QSOX2: variants seen among roughly 807,000 people sequenced by gnomAD.
QSOX2 encodes the protein quiescin sulfhydryl oxidase 2.
A neutral mutation model predicts 61.7 loss-of-function variants in QSOX2; 46 were observed. The ratio of observed to expected loss-of-function variants is 0.75; its 90% confidence interval spans 0.59 to 0.95. QSOX2 has a LOEUF of 0.95. Ranked by LOEUF, QSOX2 falls within the 40% of genes least tolerant of loss-of-function variation. QSOX2 has a pLI of 0.00. For synonymous variants in QSOX2, 383 were observed against 388.4 expected, an observed-to-expected ratio of 0.99 and a Z score of 0.16; for missense variants, 879 against 918.9, an observed-to-expected ratio of 0.96 and a Z score of 0.56.
At chr9:136,232,780 T>A (rs1234256616) in intron 1 of QSOX2, among the ~76,000 whole-genome samples, 1 of 151,512 alleles carries the variant, frequency 6.6e-6, no homozygotes, top group East Asian at 1.9e-4. Context: ...CAAAAAATTT[T>A]AAAATTAGCC....
chr9:136,208,424 A>C lies in QSOX2; in HGVS notation c.*304T>G, dbSNP rs1448341765. ...GAAGACTATCTGGCCTGGACTCTGC[A>C]CCCTCTTTTCACATCTAGAAGAGTA... On this transcript the variant is annotated 3_prime_UTR_variant, in exon 12 of 12. Coordinates refer to ENST00000358701, the MANE Select transcript of QSOX2 (RefSeq NM_181701.4). 6 of 285,266 alleles carry C rather than the reference A, an allele frequency of 2.1e-5. No homozygotes were observed. Among genetic ancestry groups the C allele is most frequent in the Non-Finnish European group, 3.9e-5 (6 of 152,884 alleles). 17.7% of individuals were successfully genotyped at this position (285,266 alleles called of 1,614,324 possible).
rs777648487 is a variant in QSOX2 at position 136,208,904 on chromosome 9, C to T, written c.1921G>A (p.Ala641Thr). 1.9e-6 allele frequency: 3 copies of T among 1,613,812 alleles called. No homozygotes were observed. The highest frequency in any genetic ancestry group is 1.1e-5 in the South Asian group (1 of 91,078). Residue 641 changes from alanine (A) to threonine (T), a missense_variant, in exon 12 of 12, where the codon GCC (alanine) becomes ACC (threonine). Coordinates refer to ENST00000358701, the MANE Select transcript of QSOX2 (RefSeq NM_181701.4). ...GKLQSLDGPGAHKEVGGAAPF... is the reference protein window; with the variant it reads ...GKLQSLDGPGTHKEVGGAAPF... The stretch of plus-strand genomic sequence containing the variant: ...GCGGCCCCGCCCACCTCCTTGTGGG[C>T]CCCGGGCCCATCCAGACTCTGGAGT...
Position 136,208,859 on chromosome 9 carries a change from AGTC to A in QSOX2, c.1963_1965del (p.Asp655del). ...CAGAGACTCATGTCCAGGCTGGAGA[AGTC>A]AACCCCGAGGAAGGGTGCGGCCCCG... is the stretch of plus-strand genomic sequence containing the variant. On this transcript the variant is annotated inframe_deletion, in exon 12 of 12. Coordinates refer to ENST00000358701, the MANE Select transcript of QSOX2 (RefSeq NM_181701.4). 6.2e-7 allele frequency: 1 copy of A among 1,614,040 alleles called. No individual in the cohort carries two copies. Among genetic ancestry groups the A allele is most frequent in the South Asian group, 1.1e-5 (1 of 91,082 alleles).
At chr9:136,228,282 G>A (rs1412605639) in intron 1 of QSOX2, among the ~76,000 whole-genome samples, 1 of 152,176 alleles carries the variant, frequency 6.6e-6, no homozygotes, top group African/African-American at 2.4e-5. Flanking sequence ...TGCTCATGAT[G>A]AGCTGGGACA....
Position 136,223,639 on chromosome 9 carries a change from C to T in QSOX2, c.675+124G>A. On this transcript the variant is annotated intron_variant, in intron 5 of 11. Coordinates refer to ENST00000358701, the MANE Select transcript of QSOX2 (RefSeq NM_181701.4). This position sits in a 1 kb window ranked among gnomAD's most constrained non-coding sequence, Gnocchi z 4.4. ...CTAAGCTTCTGATAATGAACAAGAC[C>T]TAAAGCCACAGACAGGACACGAGAT... 2.9e-6 allele frequency: 2 copies of T among 692,342 alleles called. No individual in the cohort carries two copies. Among genetic ancestry groups the T allele is most frequent in the South Asian group, 1.9e-5 (1 of 53,806 alleles). The allele number at this position is 692,342 out of a possible 1,614,324, so 42.9% of individuals were successfully genotyped here. A position where few individuals can be genotyped will look rare whatever the true frequency, so the allele number is the denominator to read the frequency against.
chr9:136,215,028 T>C (rs1052260300), intron 10 of QSOX2, 126 bp downstream of exon 10: 2 of 1,161,318 alleles, frequency 1.7e-6, no homozygotes, highest in Non-Finnish European at 2.3e-6. Flanking sequence ...GAAGTGCCAT[T>C]CCCCTGCCTC....
chr9:136,234,107 G>A (rs1033093136), intron 1 of QSOX2, among the ~76,000 whole-genome samples: 1 of 151,222 alleles, frequency 6.6e-6, no homozygotes, highest in African/African-American at 2.4e-5. Context: ...GCTCCACCTG[G>A]GGCAGCCTGG....
At chr9:136,217,047 G>A (rs1314551828) in intron 8 of QSOX2, among the ~76,000 whole-genome samples, 3 of 152,228 alleles carry the variant, frequency 2.0e-5, no homozygotes, top group Non-Finnish European at 4.4e-5. Flanking sequence ...GACTCATCAT[G>A]GAGCTGGCGG....
At chr9:136,227,795 T>C (rs903996603) in intron 1 of QSOX2, among the ~76,000 whole-genome samples, 2 of 151,834 alleles carry the variant, frequency 1.3e-5, no homozygotes, top group African/African-American at 4.8e-5. Flanking sequence ...GGCAACATGG[T>C]AAAACCCTGT....
In QSOX2 at chr9:136,245,490, G is replaced by T. The variant is rs782394109; in HGVS notation, c.314C>A (p.Ala105Asp). The change falls in exon 1 of 12, where the codon GCT (alanine) becomes GAT (aspartate). Residue 105 changes from alanine (A) to aspartate (D), a missense_variant. Physicochemically the swap from Ala to Asp is moderately radical, Grantham distance 126. Coordinates refer to ENST00000358701, the MANE Select transcript of QSOX2 (RefSeq NM_181701.4). Reference protein sequence around the residue: ...IGYAPTWRALAGDVRDWASAI... With the variant: ...IGYAPTWRALDGDVRDWASAI... ...GCGCGCCTCACCTCGCACATCCCCA[G>T]CCAGGGCCCGCCAAGTGGGCGCGTA... 2 of 1,592,168 alleles carry T rather than the reference G, an allele frequency of 1.3e-6. No individual in the cohort carries two copies. The highest frequency in any genetic ancestry group is 1.7e-6 in the Non-Finnish European group (2 of 1,176,780).
chr9:136,218,675 A>C lies in QSOX2; in HGVS notation c.1086+4T>G. On this transcript the variant is annotated splice_donor_region_variant and intron_variant, in intron 8 of 11. Transcript: ENST00000358701. ...ATGCAGCCCAGACCAGCACCGTCCC[A>C]AACCTTGGCCAAGACAGTCACAAAG... is the stretch of plus-strand genomic sequence containing the variant. 1 of 1,613,368 alleles carries C rather than the reference A, an allele frequency of 6.2e-7. No homozygotes were observed. Among genetic ancestry groups the C allele is most frequent in the Non-Finnish European group, 8.5e-7 (1 of 1,179,722 alleles).
chr9:136,212,000 G>A (rs938140571), intron 10 of QSOX2, among the ~76,000 whole-genome samples: 4 of 152,252 alleles, frequency 2.6e-5, no homozygotes, highest in Admixed American at 2.0e-4. Context: ...TGACTCTTAA[G>A]CTGCCGCCAG....
intron 11 of QSOX2, chr9:136,210,895 C>T: frequency 1.0e-6 from 1 of 985,218 alleles, no homozygotes; most frequent in Non-Finnish European, 1.2e-6. Flanking sequence ...AACAGATTTC[C>T]ATACTACTAA....
chr9:136,244,388 T>C (rs1004721686), intron 1 of QSOX2, among the ~76,000 whole-genome samples: 3 of 152,290 alleles, frequency 2.0e-5, no homozygotes, highest in African/African-American at 7.2e-5. Context: ...AAGATAACCA[T>C]TTACAGTAAC....
intron 8 of QSOX2, among the ~76,000 whole-genome samples, chr9:136,217,988 CT>C (rs1173458061): frequency 1.3e-5 from 2 of 152,256 alleles, no homozygotes; most frequent in Non-Finnish European, 2.9e-5. Flanking sequence ...ATAAATTATT[CT>C]ATCATGCATC....
intron 1 of QSOX2, among the ~76,000 whole-genome samples, chr9:136,240,632 G>A (rs527589346): frequency 2.6e-5 from 4 of 152,174 alleles, no homozygotes; most frequent in Non-Finnish European, 5.9e-5. Flanking sequence ...TGGAATAACA[G>A]GCCTGGGTAG....
rs1831765829 is a variant in QSOX2 at position 136,206,510 on chromosome 9, T to C, written c.*2218A>G. 1 of 152,554 alleles carries C rather than the reference T, an allele frequency of 6.6e-6. No homozygotes were observed. The highest frequency in any genetic ancestry group is 2.1e-4 in the South Asian group (1 of 4,834). The allele number at this position is 152,554 out of a possible 1,614,324, so 9.5% of individuals were successfully genotyped here. On this transcript the variant is annotated 3_prime_UTR_variant, in exon 12 of 12. Coordinates refer to ENST00000358701, the MANE Select transcript of QSOX2 (RefSeq NM_181701.4). Reference sequence around the variant, plus strand: ...AAGCATTTAAATTACTGAACTATTATATTCATTAGTCTCAATACCTCTTAA... The same window carrying C: ...AAGCATTTAAATTACTGAACTATTACATTCATTAGTCTCAATACCTCTTAA...
intron 2 of QSOX2, 152 bp from the exon 3 acceptor site, chr9:136,225,061 T>C: frequency 1.7e-6 from 1 of 571,556 alleles, no homozygotes. Context: ...ACGCTTCTCC[T>C]TGTCTTTGTG....
chr9:136,236,205 A>G (rs1310210924), intron 1 of QSOX2, among the ~76,000 whole-genome samples: 1 of 152,204 alleles, frequency 6.6e-6, no homozygotes, highest in Admixed American at 6.5e-5. Context: ...TGCTCCGCAC[A>G]GAGAGCCAGG....
Sources: gnomAD v4.1 joint callset for allele counts (sites outside exome capture counted in the v4.1 genomes callset) on GRCh38, gnomAD v4.1.1 for gene constraint, Gnocchi (gnomAD v3.1) non-coding constraint, MANE v1.5 for transcripts, NCBI Gene and HGNC (gene_info 2026-07-23, HGNC 2026-07-21) for gene names.